The following UTRN variants were observed in gnomAD, a reference collection of about 807,000 sequenced individuals.
UTRN encodes the protein dystrophin-related protein 1.
In UTRN, 283 loss-of-function variants were observed where a neutral mutation model predicts 463.9. The observed-to-expected ratio is 0.61, with a 90% CI of 0.55 to 0.67. The LOEUF (loss-of-function observed/expected upper bound fraction) is 0.67, where lower values mean the gene tolerates loss of function less well. Among genes scored for constraint, UTRN ranks in the 30% least tolerant of loss-of-function variants. UTRN has a pLI of 0.00. For missense variants in UTRN, 3,922 were observed against 4,084.3 expected (o/e 0.96, Z 1.08); for synonymous variants, 1,442 against 1,431.5 (o/e 1.01, Z -0.17).
intron 52 of UTRN, among the ~76,000 whole-genome samples, chr6:144,695,169 G>A (rs1783859511): frequency 6.6e-6 from 1 of 152,032 alleles, no homozygotes; most frequent in South Asian, 2.1e-4. Context: ...GAAAATGTCT[G>A]CTAAGATCAT....
At chr6:144,806,414 T>C (rs1443050880) in intron 65 of UTRN, among the ~76,000 whole-genome samples, 1 of 152,216 alleles carries the variant, frequency 6.6e-6, no homozygotes, top group Non-Finnish European at 1.5e-5. Flanking sequence ...AGTGATCTTA[T>C]CAACAGCCTA....
At chr6:144,333,795 G>T in intron 2 of UTRN, among the ~76,000 whole-genome samples, 1 of 152,220 alleles carries the variant, frequency 6.6e-6, no homozygotes. Context: ...TGGGGAAAAA[G>T]ATACACTTAT....
chr6:144,299,333 C>T (rs1805029392), intron 2 of UTRN, among the ~76,000 whole-genome samples: 1 of 152,158 alleles, frequency 6.6e-6, no homozygotes, highest in African/African-American at 2.4e-5. Context: ...TGAAAATGAT[C>T]TGCATTTTAG....
At chr6:144,478,412 CTCTG>C (rs1791475925) in intron 25 of UTRN, among the ~76,000 whole-genome samples, 2 of 152,108 alleles carry the variant, frequency 1.3e-5, no homozygotes, top group African/African-American at 4.8e-5. Context: ...GCCCAAGAAT[CTCTG>C]TCTCTCTCTT....
intron 47 of UTRN, among the ~76,000 whole-genome samples, chr6:144,550,502 T>A (rs1410019087): frequency 1.3e-5 from 2 of 152,194 alleles, no homozygotes; most frequent in Non-Finnish European, 2.9e-5. Context: ...GGATTTAATT[T>A]ATAGTTATTC....
chr6:144,427,204 A>G (rs1785373028), intron 7 of UTRN, among the ~76,000 whole-genome samples: 1 of 152,208 alleles, frequency 6.6e-6, no homozygotes. Context: ...TTACCCATAT[A>G]TAAATAAATG....
chr6:144,749,180 TG>T, intron 55 of UTRN, among the ~76,000 whole-genome samples: 1 of 152,232 alleles, frequency 6.6e-6, no homozygotes, highest in Non-Finnish European at 1.5e-5. Flanking sequence ...GAACATCTCC[TG>T]AAAAAAAAGT....
chr6:144,783,698 G>T (rs1352280736), intron 61 of UTRN, among the ~76,000 whole-genome samples: 1 of 151,944 alleles, frequency 6.6e-6, no homozygotes, highest in East Asian at 1.9e-4. Context: ...ATGTACTTTT[G>T]TACCAATTAA....
At chr6:144,467,606 C>T (rs1399898621) in intron 23 of UTRN, among the ~76,000 whole-genome samples, 3 of 152,114 alleles carry the variant, frequency 2.0e-5, no homozygotes, top group East Asian at 1.9e-4. Flanking sequence ...TGCTCTGACC[C>T]GGAATCTGGA....
intron 65 of UTRN, among the ~76,000 whole-genome samples, chr6:144,803,531 C>T (rs542999550): frequency 6.6e-6 from 1 of 152,042 alleles, no homozygotes; most frequent in East Asian, 1.9e-4. Flanking sequence ...CTAACTCTAG[C>T]TCCTGAATAA....
intron 2 of UTRN, among the ~76,000 whole-genome samples, chr6:144,318,341 C>T (rs1584261752): frequency 6.6e-6 from 1 of 152,132 alleles, no homozygotes; most frequent in East Asian, 1.9e-4. Flanking sequence ...CTTGCCCAGG[C>T]TGGAATGCAG....
chr6:144,432,825 C>A lies in UTRN; in HGVS notation c.855+3084C>A, dbSNP rs549696982. Among the ~76,000 whole-genome samples the A allele has an allele frequency of 2.9e-3, 448 of 152,144 alleles. 2 individuals carry two copies. The highest frequency in any genetic ancestry group is 0.014 in the Middle Eastern group (4 of 292). ...GTCTCTGGTTTTCCTAGGCAGAGGA[C>A]CCTGCGGCCTTCCGCAGTGTTTGTG... is the stretch of plus-strand genomic sequence containing the variant. On this transcript the variant is annotated intron_variant, in intron 9 of 74. Coordinates refer to ENST00000367545, the MANE Select transcript of UTRN (RefSeq NM_007124.3).
At chr6:144,692,466 C>T (rs1783528396) in intron 52 of UTRN, among the ~76,000 whole-genome samples, 3 of 152,050 alleles carry the variant, frequency 2.0e-5, no homozygotes, top group Admixed American at 1.3e-4. Flanking sequence ...GAGGAGTCGC[C>T]ACACTGTCTT....
At chr6:144,343,170 T>G (rs1310688820) in intron 2 of UTRN, among the ~76,000 whole-genome samples, 1 of 152,078 alleles carries the variant, frequency 6.6e-6, no homozygotes, top group Non-Finnish European at 1.5e-5. Flanking sequence ...CTATGAAAAG[T>G]CTTTGCTAAT....
At chr6:144,362,297 C>T (rs1779150736) in intron 2 of UTRN, among the ~76,000 whole-genome samples, 1 of 152,148 alleles carries the variant, frequency 6.6e-6, no homozygotes, top group South Asian at 2.1e-4. Context: ...ACCCAGTGAC[C>T]TGTGCACACC....
At position 144,509,602 on chromosome 6, in the gene UTRN, A is replaced by G. The variant is rs183227974; in HGVS notation, c.4765-1342A>G. Among the ~76,000 whole-genome samples the G allele has an allele frequency of 3.8e-3, 582 of 152,258 alleles. 1 individual carries two copies. The highest frequency in any genetic ancestry group is 0.013 in the African/African-American group (551 of 41,584). Reference sequence around the variant, plus strand: ...TAAATCAAATGAAACATCAGTATATATTAATAACCACCATCTTTTTATCAC... The same window carrying G: ...TAAATCAAATGAAACATCAGTATATGTTAATAACCACCATCTTTTTATCAC... On this transcript the variant is annotated intron_variant, in intron 34 of 74. Coordinates refer to ENST00000367545, the MANE Select transcript of UTRN (RefSeq NM_007124.3).
rs758773383 is a variant in UTRN, at chr6:144,850,999, G to A, written c.*2G>A. 1.2e-5 allele frequency: 19 copies of A among 1,613,518 alleles called. No individual in the cohort carries two copies. Among genetic ancestry groups the A allele is most frequent in the South Asian group, 3.3e-5 (3 of 91,076 alleles). ...TTTCCCTTCCCATAGGCAATGTGAAGTATTCATCCGGCCAACCAATGTTTC... is the reference window on the plus strand; with the variant it reads ...TTTCCCTTCCCATAGGCAATGTGAAATATTCATCCGGCCAACCAATGTTTC... On this transcript the variant is annotated 3_prime_UTR_variant, in exon 75 of 75. Coordinates refer to ENST00000367545, the MANE Select transcript of UTRN (RefSeq NM_007124.3).
At chr6:144,604,312 TC>T (rs1432576393) in intron 51 of UTRN, among the ~76,000 whole-genome samples, 1 of 152,092 alleles carries the variant, frequency 6.6e-6, no homozygotes, top group African/African-American at 2.4e-5. Flanking sequence ...TGGGGCAACT[TC>T]CACTCAATTA....
chr6:144,591,880 T>C (rs1278502637), intron 51 of UTRN, among the ~76,000 whole-genome samples: 1 of 152,160 alleles, frequency 6.6e-6, no homozygotes, highest in Non-Finnish European at 1.5e-5. Context: ...TTGCAAGAGT[T>C]AAAGAGGTAG....
Sources: gnomAD v4.1 joint callset for allele counts (sites outside exome capture counted in the v4.1 genomes callset) on GRCh38, gnomAD v4.1.1 for gene constraint, MANE v1.5 for transcripts, NCBI Gene and HGNC (gene_info 2026-07-23, HGNC 2026-07-21) for gene names.